The following HIP1 variants were observed in gnomAD, a reference collection of about 807,000 sequenced individuals.
HIP1 encodes the protein huntingtin interacting protein 1.
In HIP1, 65 loss-of-function variants were observed where a neutral mutation model predicts 147.6. The observed-to-expected ratio is 0.44, with a 90% confidence interval of 0.36 to 0.54. The LOEUF (loss-of-function observed/expected upper bound fraction) is 0.54. Ranked by LOEUF, HIP1 falls within the 20% of genes least tolerant of loss-of-function variation. HIP1 has a pLI of 0.00. For synonymous variants in HIP1, 479 were observed against 504.0 expected (o/e 0.95, Z 0.67); for missense variants, 1,061 against 1,299.6 (o/e 0.82, Z 2.82).
rs141979542 is a variant in HIP1 at position 75,660,050 on chromosome 7, G to A, written c.121-60803C>T. 2.6e-3 allele frequency among the ~76,000 whole-genome samples: 383 copies of A among 150,128 alleles called. 2 individuals carry two copies. The highest frequency in any genetic ancestry group is 8.6e-3 in the African/African-American group (352 of 40,890). ...CTGAGGCGGAAGAATCGCGTGAACCGGAGAAGCGGAGGTTGCACTGAGCCG... is the reference window on the plus strand; with the variant it reads ...CTGAGGCGGAAGAATCGCGTGAACCAGAGAAGCGGAGGTTGCACTGAGCCG... On this transcript the variant is annotated intron_variant, in intron 1 of 30. Transcript: ENST00000336926.
chr7:75,632,291 G>A (rs1798254250), intron 1 of HIP1, among the ~76,000 whole-genome samples: 1 of 152,072 alleles, frequency 6.6e-6, no homozygotes, highest in Non-Finnish European at 1.5e-5. Context: ...GTAAAAAGGG[G>A]GTATTCAGTA....
At chr7:75,559,369 G>T (rs1431703559) in intron 14 of HIP1, among the ~76,000 whole-genome samples, 1 of 152,064 alleles carries the variant, frequency 6.6e-6, no homozygotes, top group Non-Finnish European at 1.5e-5. Context: ...TTCCATCCTG[G>T]CCTCCCAGAG....
intron 1 of HIP1, among the ~76,000 whole-genome samples, chr7:75,656,025 A>T (rs1285421038): frequency 6.6e-6 from 1 of 152,098 alleles, no homozygotes; most frequent in Non-Finnish European, 1.5e-5. Context: ...AAGCTGAGGC[A>T]GGAGGATCGC....
intron 1 of HIP1, among the ~76,000 whole-genome samples, chr7:75,661,885 T>TC (rs1799329739): frequency 6.6e-6 from 1 of 151,824 alleles, no homozygotes; most frequent in Non-Finnish European, 1.5e-5. Flanking sequence ...CACAGGAAGT[T>TC]CCCCAAGAGT....
At chr7:75,583,196 T>A (rs1796123000) in intron 5 of HIP1, among the ~76,000 whole-genome samples, 1 of 152,070 alleles carries the variant, frequency 6.6e-6, no homozygotes, top group South Asian at 2.1e-4. Context: ...GCTTCCTGGC[T>A]CAGTCTTGAC....
At chr7:75,546,849 G>C (rs1794583385) in intron 25 of HIP1, 90 bp downstream of exon 25, 2 of 910,322 alleles carry the variant, frequency 2.2e-6, no homozygotes. Flanking sequence ...TGGACACACA[G>C]AGTAAGACGG....
intron 1 of HIP1, among the ~76,000 whole-genome samples, chr7:75,604,513 A>C (rs1554503531): frequency 6.6e-6 from 1 of 152,124 alleles, no homozygotes; most frequent in East Asian, 1.9e-4. Context: ...ATCCCTACAA[A>C]ATATTAGCTG....
At chr7:75,654,946 TC>T (rs1396483454) in intron 1 of HIP1, among the ~76,000 whole-genome samples, 4 of 151,950 alleles carry the variant, frequency 2.6e-5, no homozygotes, top group Admixed American at 2.6e-4. Context: ...GGCCAGGAGT[TC>T]AAGACAGCCT....
In HIP1 at chr7:75,581,318, G is replaced by C. The variant is rs376433625; in HGVS notation, c.543-20C>G. ...TGGAAACTGGACCCAAGAGGAAAGA[G>C]AGCTTACACTCCACAGCCTGAGGCC... On this transcript the variant is annotated intron_variant, in intron 6 of 30. Transcript: ENST00000336926. 4.4e-6 allele frequency: 7 copies of C among 1,601,820 alleles called. No homozygotes were observed. The South Asian group carries it at 5.6e-5, about 13-fold the overall frequency.
At position 75,556,046 on chromosome 7, in the gene HIP1, G is replaced by A. The variant is rs1554493210; in HGVS notation, c.1807C>T (p.Leu603Phe). The A allele has an allele frequency of 2.5e-6, 4 of 1,614,178 alleles. No individual in the cohort carries two copies. Among genetic ancestry groups the A allele is most frequent in the Middle Eastern group, 3.3e-4 (2 of 6,062 alleles). Residue 603 changes from leucine (L) to phenylalanine (F), a missense_variant, in exon 18 of 31, where the codon CTC becomes TTC. This residue lies in a region of HIP1 where 810 missense variants were observed against 946.8 expected (regional missense o/e 0.86). Coordinates refer to ENST00000336926, the MANE Select transcript of HIP1 (RefSeq NM_005338.7). ...ALRKELQDTQ[L>F]KLASTEESMC... Reference sequence around the variant, plus strand: ...CTTGCCTCTGTGCTGGCCAGTTTGAGCTGAGTGTCCTGCAGTTCTTTCCGA... The same window carrying A: ...CTTGCCTCTGTGCTGGCCAGTTTGAACTGAGTGTCCTGCAGTTCTTTCCGA...
rs545817560 is a variant in HIP1, at chr7:75,664,061, T to C, written c.121-64814A>G. Among the ~76,000 whole-genome samples, 23 of 68,672 alleles carry C rather than the reference T, an allele frequency of 3.3e-4. 6 individuals are homozygous for C. Among genetic ancestry groups the C allele is most frequent in the African/African-American group, 1.0e-3 (21 of 20,076 alleles). The allele number at this position is 68,672 out of a possible 152,430, so 45.1% of individuals were successfully genotyped here. A position where few individuals can be genotyped will look rare whatever the true frequency, so the allele number is the denominator to read the frequency against. ...ATACACATATATGTGTATATACACA[T>C]ATATGTGTATATACACACACATATA... is the stretch of plus-strand genomic sequence containing the variant. On this transcript the variant is annotated intron_variant, in intron 1 of 30. Transcript: ENST00000336926.
At chr7:75,700,183 A>C (rs1001701055) in intron 1 of HIP1, among the ~76,000 whole-genome samples, 2 of 152,142 alleles carry the variant, frequency 1.3e-5, no homozygotes, top group African/African-American at 4.8e-5. Flanking sequence ...AGCTTGAGAC[A>C]GTTCATGCTG....
At chr7:75,609,273 T>G (rs1211688862) in intron 1 of HIP1, among the ~76,000 whole-genome samples, 1 of 152,132 alleles carries the variant, frequency 6.6e-6, no homozygotes, top group Non-Finnish European at 1.5e-5. Context: ...CAGAGCCCAC[T>G]CTATGGTTTG....
chr7:75,541,619 C>T (rs779518589), intron 29 of HIP1, among the ~76,000 whole-genome samples: 3 of 151,740 alleles, frequency 2.0e-5, no homozygotes, highest in Admixed American at 6.6e-5. Flanking sequence ...TTGCTTGAAC[C>T]TGGGAGGTGG....
chr7:75,544,283 A>C (rs2116743069), intron 27 of HIP1, among the ~76,000 whole-genome samples: 1 of 152,184 alleles, frequency 6.6e-6, no homozygotes, highest in Non-Finnish European at 1.5e-5. Flanking sequence ...ATTTGTTCTC[A>C]AGGCCAGTTC....
At chr7:75,561,753 C>T (rs1795236632) in intron 12 of HIP1, among the ~76,000 whole-genome samples, 1 of 152,058 alleles carries the variant, frequency 6.6e-6, no homozygotes, top group Admixed American at 6.6e-5. Context: ...AATGATCTTC[C>T]CACTTCAGCC....
At chr7:75,616,639 A>G (rs1179609) in intron 1 of HIP1, among the ~76,000 whole-genome samples, 41,075 of 147,972 alleles carry the variant, frequency 0.28, 7,614 homozygotes, top group African/African-American at 0.54. Flanking sequence ...AGGAGGAGGA[A>G]GAAATAGTAG....
Position 75,545,179 on chromosome 7 carries a change from A to G in HIP1, c.2569T>C (p.Ser857Pro). 1 of 1,604,350 alleles carries G rather than the reference A, an allele frequency of 6.2e-7. No homozygotes were observed. The highest frequency in any genetic ancestry group is 8.5e-7 in the Non-Finnish European group (1 of 1,172,324). The change falls in exon 26 of 31, where the codon TCC (serine) becomes CCC (proline). Residue 857 changes from serine to proline, a missense_variant. Around this residue, in one of 3 missense-constraint regions of HIP1, gnomAD observed 810 missense variants for 946.8 expected, o/e 0.86. Transcript: ENST00000336926. ...EIVESGRGTA[S>P]PKEFYAKNSR... ...TTCTTGGCATAAAACTCTTTAGGGG[A>G]TGCTGTACCCTAGGGAAATAAAAAA...
At chr7:75,640,431 A>G (rs555272385) in intron 1 of HIP1, among the ~76,000 whole-genome samples, 25 of 152,332 alleles carry the variant, frequency 1.6e-4, no homozygotes, top group Admixed American at 1.6e-3. Context: ...GGCTTTTAAA[A>G]TAATGAACAG....
Sources: allele counts gnomAD v4.1 joint callset (sites outside exome capture counted in the v4.1 genomes callset), GRCh38; gene constraint gnomAD v4.1.1; regional missense constraint gnomAD v4.1.1; transcripts MANE v1.5; gene names NCBI Gene and HGNC (gene_info 2026-07-23, HGNC 2026-07-21).